CHD7: variants seen among roughly 807,000 people sequenced by gnomAD.
CHD7 encodes the protein ATP-dependent chromatin remodeler CHD7.
A neutral mutation model predicts 307.3 loss-of-function variants in CHD7; 24 were observed. That is an observed-to-expected ratio of 0.08 (90% confidence interval 0.06 to 0.11). CHD7 has a LOEUF of 0.11. Among genes scored for constraint, CHD7 ranks in the 10% least tolerant of loss-of-function variants. The pLI, the probability that CHD7 is intolerant of heterozygous loss-of-function variation, is 1.00. For missense variants in CHD7, 3,106 were observed against 3,727.1 expected (o/e 0.83, Z 4.34); for synonymous variants, 1,363 against 1,349.9 (o/e 1.01, Z -0.21).
At chr8:60,799,695 G>A (rs1329499442) in intron 4 of CHD7, among the ~76,000 whole-genome samples, 4 of 151,736 alleles carry the variant, frequency 2.6e-5, no homozygotes, top group Non-Finnish European at 4.4e-5. Context: ...TTTTATATGG[G>A]AAAAATGTTA....
chr8:60,681,050 C>G (rs1425074913), intron 1 of CHD7, among the ~76,000 whole-genome samples: 1 of 152,004 alleles, frequency 6.6e-6, no homozygotes, highest in Admixed American at 6.6e-5. Flanking sequence ...CCAGTTCTCT[C>G]TCGGTAAGGG....
intron 1 of CHD7, among the ~76,000 whole-genome samples, chr8:60,740,550 CT>C (rs1563557826): frequency 6.6e-6 from 1 of 152,144 alleles, no homozygotes; most frequent in Non-Finnish European, 1.5e-5. Context: ...GAAAGCTTTT[CT>C]TTTAGTTTCT....
intron 37 of CHD7, chr8:60,864,123 C>A (rs1806134362): frequency 6.7e-6 from 1 of 149,130 alleles, no homozygotes; most frequent in Non-Finnish European, 1.5e-5. Flanking sequence ...GTGTTTTTTT[C>A]TTTTAAGAGA....
chr8:60,783,785 G>A (rs900708361), intron 3 of CHD7, among the ~76,000 whole-genome samples: 3 of 152,162 alleles, frequency 2.0e-5, no homozygotes, highest in Non-Finnish European at 4.4e-5. Context: ...GGGGGGCGGG[G>A]CACAAAGAGT....
intron 3 of CHD7, among the ~76,000 whole-genome samples, chr8:60,791,491 C>T (rs901124059): frequency 4.6e-5 from 7 of 152,182 alleles, no homozygotes; most frequent in African/African-American, 1.7e-4. Flanking sequence ...ACATTCTCAT[C>T]CCCCCGACCT....
intron 1 of CHD7, among the ~76,000 whole-genome samples, chr8:60,693,305 T>C (rs1290603941): frequency 6.6e-6 from 1 of 152,222 alleles, no homozygotes; most frequent in Non-Finnish European, 1.5e-5. Flanking sequence ...CTTTCCTTGC[T>C]TCCTTCCTGC....
rs374004489 is a variant in CHD7 at position 60,865,896 on chromosome 8, G to T, written c.8957G>T (p.Gly2986Val). The change falls in exon 38 of 38, where the codon GGG (glycine) becomes GTG (valine). Residue 2986 changes from glycine to valine, a missense_variant. Gly to Val is a moderately radical substitution (Grantham distance 109, BLOSUM62 -3). Around this residue, in one of 10 missense-constraint regions of CHD7, gnomAD observed 351 missense variants for 366.2 expected, o/e 0.96. Coordinates refer to ENST00000423902, the MANE Select transcript of CHD7 (RefSeq NM_017780.4). The surrounding 1 kb of genome is among the most constrained non-coding windows in gnomAD (Gnocchi z 4.3). ...AQGEELDSLD[G>V]GDEIENNEND... ...GGTGAAGAGCTAGACTCACTTGATG[G>T]GGGGGATGAAATAGAAAACAATGAA... The T allele has an allele frequency of 6.2e-7, 1 of 1,609,180 alleles. No homozygotes were observed. The highest frequency in any genetic ancestry group is 8.5e-7 in the Non-Finnish European group (1 of 1,177,646).
chr8:60,789,571 G>A (rs1159584309), intron 3 of CHD7, among the ~76,000 whole-genome samples: 1 of 152,144 alleles, frequency 6.6e-6, no homozygotes, highest in Admixed American at 6.5e-5. Context: ...CCACAATGTG[G>A]TTCTTTTTCA....
At chr8:60,799,500 A>G (rs945364024) in intron 4 of CHD7, among the ~76,000 whole-genome samples, 2 of 152,230 alleles carry the variant, frequency 1.3e-5, no homozygotes, top group South Asian at 4.1e-4. Context: ...GAATTTTGCC[A>G]TTTAACCCTT....
At position 60,800,420 on chromosome 8, in the gene CHD7, G is replaced by A. The variant is rs1563611812; in HGVS notation, c.2271G>A (p.Lys757=). 6.2e-7 allele frequency: 1 copy of A among 1,613,798 alleles called. No individual in the cohort carries two copies. The highest frequency in any genetic ancestry group is 8.5e-7 in the Non-Finnish European group (1 of 1,179,802). ...KRRSSRQVKR[K]RYTEDLEFKI... ...GGTCCAGCAGACAGGTGAAGAGAAAGCGCTACACTGAAGACCTGGAGTTCA... is the reference window on the plus strand; with the variant it reads ...GGTCCAGCAGACAGGTGAAGAGAAAACGCTACACTGAAGACCTGGAGTTCA... Residue 757 remains lysine, a synonymous_variant, in exon 5 of 38, where the codon AAG becomes AAA. Coordinates refer to ENST00000423902, the MANE Select transcript of CHD7 (RefSeq NM_017780.4).
chr8:60,706,373 C>T (rs41500348), intron 1 of CHD7, among the ~76,000 whole-genome samples: 7,040 of 152,102 alleles, frequency 0.046, 562 homozygotes, highest in African/African-American at 0.16. Flanking sequence ...GATAAAATAG[C>T]GAGTTTTATG....
At chr8:60,810,321 G>A (rs1227657486) in intron 7 of CHD7, among the ~76,000 whole-genome samples, 2 of 151,806 alleles carry the variant, frequency 1.3e-5, no homozygotes, top group Non-Finnish European at 1.5e-5. Flanking sequence ...TGTGCTCCTC[G>A]TTGCTGAGGA....
chr8:60,861,726 AT>A lies in CHD7; in HGVS notation c.7831-466del, dbSNP rs1479414214. The A allele has an allele frequency of 1.9e-5, 3 of 154,118 alleles. No homozygotes were observed. The South Asian group carries it at 6.1e-4, about 31-fold the overall frequency. 9.5% of individuals were successfully genotyped at this position (154,118 alleles called of 1,614,324 possible). ...TTAAAACTTAAATGTAGAGTTTTAC[AT>A]TTTATTTTGTTGGGTTCAGCCTAGA... On this transcript the variant is annotated intron_variant, in intron 35 of 37. Transcript: ENST00000423902.
intron 6 of CHD7, among the ~76,000 whole-genome samples, chr8:60,804,483 A>G (rs940583098): frequency 2.0e-5 from 3 of 152,158 alleles, no homozygotes; most frequent in Non-Finnish European, 4.4e-5. Flanking sequence ...AGCCTCCTAG[A>G]GTGTAAAGAA....
chr8:60,816,858 T>C (rs1482931825), intron 8 of CHD7, among the ~76,000 whole-genome samples: 1 of 152,240 alleles, frequency 6.6e-6, no homozygotes, highest in Non-Finnish European at 1.5e-5. Flanking sequence ...AGTTCTAAGA[T>C]ACAAAAGCTT....
intron 1 of CHD7, among the ~76,000 whole-genome samples, chr8:60,696,592 A>ATGTAAT (rs1806483635): frequency 6.6e-6 from 1 of 152,048 alleles, no homozygotes; most frequent in Admixed American, 6.5e-5. Context: ...CACACAACTA[A>ATGTAAT]TGTTAATTAT....
intron 1 of CHD7, among the ~76,000 whole-genome samples, chr8:60,715,755 C>T (rs2150533035): frequency 6.6e-6 from 1 of 150,530 alleles, no homozygotes; most frequent in East Asian, 2.0e-4. Flanking sequence ...CAATACTCTA[C>T]CTTAGAAAAA....
rs563850589 is a variant in CHD7, at chr8:60,813,062, A to G, written c.2499-3325A>G. Among the ~76,000 whole-genome samples, 14 of 152,326 alleles carry G rather than the reference A, an allele frequency of 9.2e-5. No individual in the cohort carries two copies. In the East Asian group the frequency reaches 1.5e-3, roughly 17 times the overall value. On this transcript the variant is annotated intron_variant, in intron 7 of 37. Coordinates refer to ENST00000423902, the MANE Select transcript of CHD7 (RefSeq NM_017780.4). ...ACAATGATGTCTTTTCAGTTGGTCCAGTTCTACTTTTGTGTCTTGTAAGAG... is the reference window on the plus strand; with the variant it reads ...ACAATGATGTCTTTTCAGTTGGTCCGGTTCTACTTTTGTGTCTTGTAAGAG...
chr8:60,713,374 T>C (rs1807386145), intron 1 of CHD7, among the ~76,000 whole-genome samples: 1 of 151,934 alleles, frequency 6.6e-6, no homozygotes, highest in Non-Finnish European at 1.5e-5. Context: ...CCTCCCAAAG[T>C]GCTGGGATTA....
Sources: gnomAD v4.1 joint callset for allele counts (sites outside exome capture counted in the v4.1 genomes callset) on GRCh38, gnomAD v4.1.1 for gene constraint, gnomAD v4.1.1 regional missense constraint, Gnocchi (gnomAD v3.1) non-coding constraint, MANE v1.5 for transcripts, NCBI Gene and HGNC (gene_info 2026-07-23, HGNC 2026-07-21) for gene names.